The following SYT2 variants were observed in gnomAD, a reference collection of about 807,000 sequenced individuals.
The protein encoded by SYT2 is synaptotagmin-2.
A neutral mutation model predicts 39.9 loss-of-function variants in SYT2; 15 were observed. The observed-to-expected ratio is 0.38, with a 90% CI of 0.25 to 0.58. The LOEUF (loss-of-function observed/expected upper bound fraction) is 0.58. Among genes scored for constraint, SYT2 ranks in the 20% least tolerant of loss-of-function variants. The pLI, the probability that SYT2 is intolerant of heterozygous loss-of-function variation, is 0.70. For synonymous variants in SYT2, 181 were observed against 204.5 expected (o/e 0.89, Z 0.98); for missense variants, 389 against 530.3 (o/e 0.73, Z 2.62).
rs142117144 is a variant in SYT2, at chr1:202,658,721, A to G, written c.-18+51537T>C. Among the ~76,000 whole-genome samples the G allele has an allele frequency of 2.6e-5, 4 of 151,428 alleles. No individual in the cohort carries two copies. The East Asian group carries it at 7.8e-4, about 29-fold the overall frequency. On this transcript the variant is annotated intron_variant, in intron 1 of 8. Coordinates refer to ENST00000367268, the MANE Select transcript of SYT2 (RefSeq NM_177402.5). ...GTCCTCATTTCCCAGGGAAATGCGC[A>G]GCCAAATGCTTTAAAAAAGGAGTGG... is the stretch of plus-strand genomic sequence containing the variant.
At chr1:202,645,709 A>G (rs2001747) in intron 1 of SYT2, among the ~76,000 whole-genome samples, 8,638 of 152,260 alleles carry the variant, frequency 0.057, 383 homozygotes, top group African/African-American at 0.12. Flanking sequence ...TAATGTCTAT[A>G]CTGCCTCCAA....
intron 1 of SYT2, among the ~76,000 whole-genome samples, chr1:202,697,680 T>TGACACACACA (rs1450220314): frequency 6.6e-6 from 1 of 152,216 alleles, no homozygotes; most frequent in Non-Finnish European, 1.5e-5. Context: ...TCCTCACCAC[T>TGACACACACA]GACACACACA....
intron 1 of SYT2, among the ~76,000 whole-genome samples, chr1:202,691,720 A>G (rs1316801212): frequency 3.3e-5 from 1 of 30,190 alleles, no homozygotes; most frequent in Admixed American, 5.2e-4. Context: ...GGAGAGGGAG[A>G]GGGAGAGGGG....
chr1:202,625,655 C>T (rs1031235843), intron 1 of SYT2, among the ~76,000 whole-genome samples: 9 of 152,080 alleles, frequency 5.9e-5, no homozygotes, highest in African/African-American at 2.2e-4. Flanking sequence ...CATCTCCACC[C>T]AAGCCAGGCC....
intron 1 of SYT2, among the ~76,000 whole-genome samples, chr1:202,645,165 A>C (rs950598277): frequency 6.6e-6 from 1 of 152,144 alleles, no homozygotes; most frequent in African/African-American, 2.4e-5. Flanking sequence ...GACCTGGGGT[A>C]AAGGGCTCAA....
At chr1:202,671,994 T>C (rs1482012148) in intron 1 of SYT2, among the ~76,000 whole-genome samples, 1 of 152,018 alleles carries the variant, frequency 6.6e-6, no homozygotes, top group Non-Finnish European at 1.5e-5. Flanking sequence ...ACAAGACACC[T>C]TGAGAAAGAA....
intron 1 of SYT2, among the ~76,000 whole-genome samples, chr1:202,682,754 G>A (rs968062649): frequency 2.0e-5 from 3 of 151,998 alleles, no homozygotes; most frequent in Admixed American, 6.6e-5. Flanking sequence ...CCCTAGATGC[G>A]GGGTGGACTT....
intron 1 of SYT2, among the ~76,000 whole-genome samples, chr1:202,648,846 TCAGA>T (rs1291692312): frequency 6.6e-6 from 1 of 152,156 alleles, no homozygotes; most frequent in Non-Finnish European, 1.5e-5. Flanking sequence ...GGGCTTGAGG[TCAGA>T]CAGAGAGACC....
intron 1 of SYT2, among the ~76,000 whole-genome samples, chr1:202,621,240 C>T (rs1208749851): frequency 6.6e-6 from 1 of 152,168 alleles, no homozygotes; most frequent in Non-Finnish European, 1.5e-5. Flanking sequence ...AACCCTGGAG[C>T]TGGATCCTCA....
chr1:202,602,688 A>C (rs1318489299), intron 4 of SYT2, 143 bp from the exon 5 acceptor site: 2 of 834,560 alleles, frequency 2.4e-6, no homozygotes, highest in Non-Finnish European at 3.6e-6. Flanking sequence ...GCTAGAGAGG[A>C]AGATTGGTCT....
At chr1:202,609,563 C>CT (rs1427005542) in intron 1 of SYT2, among the ~76,000 whole-genome samples, 1 of 152,182 alleles carries the variant, frequency 6.6e-6, no homozygotes, top group Non-Finnish European at 1.5e-5. Flanking sequence ...TGTTTCCTGA[C>CT]TTTTTAATGA....
intron 1 of SYT2, among the ~76,000 whole-genome samples, chr1:202,644,538 C>A (rs1257232847): frequency 6.6e-6 from 1 of 152,172 alleles, no homozygotes; most frequent in Non-Finnish European, 1.5e-5. Context: ...ATTAACCACC[C>A]CTGACCTTCC....
At chr1:202,653,231 G>A (rs1007567303) in intron 1 of SYT2, among the ~76,000 whole-genome samples, 4 of 151,920 alleles carry the variant, frequency 2.6e-5, no homozygotes, top group African/African-American at 9.7e-5. Context: ...GACCCCCCCT[G>A]AACCGTCCAG....
rs1224833937 is a variant in SYT2, at chr1:202,599,709, G to A, written c.920-358C>T. On this transcript the variant is annotated intron_variant, in intron 7 of 8. Transcript: ENST00000367268. The surrounding 1 kb of genome is among the most constrained non-coding windows in gnomAD (Gnocchi z 4.4). ...ATCTGCTGGGTCATAATCCCAATCCGATCCCCCTAATCTTGCAGACAAGAA... is the reference window on the plus strand; with the variant it reads ...ATCTGCTGGGTCATAATCCCAATCCAATCCCCCTAATCTTGCAGACAAGAA... Among the ~76,000 whole-genome samples, 1 of 152,136 alleles carries A rather than the reference G, an allele frequency of 6.6e-6. No homozygotes were observed. The highest frequency in any genetic ancestry group is 1.9e-4 in the East Asian group (1 of 5,182).
intron 1 of SYT2, among the ~76,000 whole-genome samples, chr1:202,666,994 C>A (rs747520410): frequency 6.6e-6 from 1 of 151,996 alleles, no homozygotes; most frequent in Non-Finnish European, 1.5e-5. Context: ...AAAAACAAAA[C>A]GTACAAAACA....
chr1:202,669,042 G>A (rs1339368730), intron 1 of SYT2, among the ~76,000 whole-genome samples: 3 of 152,136 alleles, frequency 2.0e-5, no homozygotes, highest in African/African-American at 4.8e-5. Flanking sequence ...GAAAGTCTAG[G>A]GTACAGTTAA....
chr1:202,693,354 A>C (rs1293749859), intron 1 of SYT2, among the ~76,000 whole-genome samples: 2 of 152,218 alleles, frequency 1.3e-5, no homozygotes, highest in Non-Finnish European at 2.9e-5. Flanking sequence ...ATACCCTTCA[A>C]GACCATGGGG....
At chr1:202,703,271 G>T (rs945246596) in intron 1 of SYT2, among the ~76,000 whole-genome samples, 1 of 103,902 alleles carries the variant, frequency 9.6e-6, no homozygotes, top group African/African-American at 3.6e-5. Flanking sequence ...CCCGGCCACC[G>T]CTCCCCTCCC....
At chr1:202,692,127 G>A (rs577766391) in intron 1 of SYT2, among the ~76,000 whole-genome samples, 1 of 152,154 alleles carries the variant, frequency 6.6e-6, no homozygotes, top group Non-Finnish European at 1.5e-5. Context: ...CTGAAGTGGT[G>A]TCACTGCGAC....
Sources: gnomAD v4.1 joint callset for allele counts (sites outside exome capture counted in the v4.1 genomes callset) on GRCh38, gnomAD v4.1.1 for gene constraint, Gnocchi (gnomAD v3.1) non-coding constraint, MANE v1.5 for transcripts, NCBI Gene and HGNC (gene_info 2026-07-23, HGNC 2026-07-21) for gene names.